Variants in CAMTA1 observed in about 807,000 individuals in gnomAD.
The protein encoded by CAMTA1 is calmodulin-binding transcription activator 1.
Under a neutral mutation model 170.9 loss-of-function variants are expected in CAMTA1, and 27 were observed. That is an observed-to-expected ratio of 0.16 (90% confidence interval 0.12 to 0.22). The LOEUF is 0.22. Ranked by LOEUF, CAMTA1 falls within the 10% of genes least tolerant of loss-of-function variation. The probability of loss-of-function intolerance (pLI) is 1.00; values close to 1 mark genes in which losing one functional copy is unlikely to be tolerated. For synonymous variants in CAMTA1, 833 were observed against 891.5 expected, an observed-to-expected ratio of 0.93 and a Z score of 1.17; for missense variants, 1,619 against 2,217.2, an observed-to-expected ratio of 0.73 and a Z score of 5.42.
rs1302135495 is a variant in CAMTA1, at chr1:7,104,346, CA to C, written c.302+12976del. On this transcript the variant is annotated intron_variant, in intron 4 of 22. Transcript: ENST00000303635. ...ACACACATATACATACATGTACACA[CA>C]TGCATAAATACTCAATACACATACA... Among the ~76,000 whole-genome samples, 3 of 147,442 alleles carry C rather than the reference CA, an allele frequency of 2.0e-5. No individual in the cohort carries two copies. In the East Asian group the frequency reaches 5.9e-4, roughly 29 times the overall value.
At chr1:6,821,553 T>C (rs560203597) in intron 2 of CAMTA1, among the ~76,000 whole-genome samples, 2 of 152,308 alleles carry the variant, frequency 1.3e-5, no homozygotes, top group South Asian at 4.1e-4. Context: ...TACACTGTTA[T>C]ACCAAACTGT....
intron 4 of CAMTA1, among the ~76,000 whole-genome samples, chr1:7,154,646 G>T (rs1187194797): frequency 6.6e-6 from 1 of 152,136 alleles, no homozygotes; most frequent in South Asian, 2.1e-4. Context: ...GAAGGGAAGG[G>T]GTGCTGATGG....
intron 4 of CAMTA1, among the ~76,000 whole-genome samples, chr1:7,114,161 G>A (rs373208474): frequency 3.1e-4 from 47 of 152,312 alleles, no homozygotes; most frequent in African/African-American, 1.0e-3. Flanking sequence ...AAGGCCCTGA[G>A]CTGCTGCCCT....
chr1:7,233,984 C>T (rs746919322), intron 4 of CAMTA1, among the ~76,000 whole-genome samples: 4 of 152,162 alleles, frequency 2.6e-5, no homozygotes, highest in African/African-American at 9.7e-5. Flanking sequence ...GAGTTGCACT[C>T]TCCAGGTTAA....
chr1:6,942,504 A>G lies in CAMTA1; in HGVS notation c.234+117294A>G, dbSNP rs184339721. Among the ~76,000 whole-genome samples the G allele has an allele frequency of 5.3e-5, 8 of 152,192 alleles. 1 individual carries two copies. The East Asian group carries it at 1.5e-3, about 29-fold the overall frequency. ...GAGACCCCTATTTCTACACAAAAAT[A>G]ATGATAAAAAATTAGCTGGATGTGG... On this transcript the variant is annotated intron_variant, in intron 3 of 22. Transcript: ENST00000303635.
intron 3 of CAMTA1, among the ~76,000 whole-genome samples, chr1:6,895,306 T>A (rs1486536528): frequency 6.6e-6 from 1 of 152,164 alleles, no homozygotes; most frequent in East Asian, 1.9e-4. Flanking sequence ...TTCTGCCCTT[T>A]TTTCCCCATC....
At chr1:7,205,188 A>G (rs932422735) in intron 4 of CAMTA1, among the ~76,000 whole-genome samples, 3 of 151,290 alleles carry the variant, frequency 2.0e-5, no homozygotes, top group Non-Finnish European at 4.4e-5. Context: ...GCTCACTGCA[A>G]CCTCTGCCTC....
intron 3 of CAMTA1, among the ~76,000 whole-genome samples, chr1:6,955,698 G>A (rs527878262): frequency 2.0e-5 from 3 of 152,306 alleles, no homozygotes; most frequent in East Asian, 3.9e-4. Flanking sequence ...TGCCTGGTAA[G>A]ATGTTCACGG....
At chr1:7,575,716 T>C (rs1366658743) in intron 6 of CAMTA1, among the ~76,000 whole-genome samples, 1 of 151,960 alleles carries the variant, frequency 6.6e-6, no homozygotes, top group East Asian at 1.9e-4. Flanking sequence ...TAGTAATGTC[T>C]GGCCCAGGTG....
chr1:7,226,023 C>T (rs572205518), intron 4 of CAMTA1, among the ~76,000 whole-genome samples: 242 of 152,258 alleles, frequency 1.6e-3, no homozygotes, highest in African/African-American at 5.6e-3. Flanking sequence ...TGTCCACAGC[C>T]CCTTGAGGCA....
At chr1:6,846,431 C>T (rs1156559724) in intron 3 of CAMTA1, among the ~76,000 whole-genome samples, 1 of 152,000 alleles carries the variant, frequency 6.6e-6, no homozygotes, top group African/African-American at 2.4e-5. Flanking sequence ...AGACAATTGC[C>T]CAAATAAAGA....
chr1:7,332,658 T>G (rs2083104182), intron 5 of CAMTA1, among the ~76,000 whole-genome samples: 1 of 152,220 alleles, frequency 6.6e-6, no homozygotes, highest in South Asian at 2.1e-4. Flanking sequence ...TATTGTTGTG[T>G]GGAGCTGTAT....
intron 5 of CAMTA1, among the ~76,000 whole-genome samples, chr1:7,446,019 C>G (rs1244587710): frequency 6.6e-6 from 1 of 152,170 alleles, no homozygotes; most frequent in Non-Finnish European, 1.5e-5. Context: ...ACCTGATAAA[C>G]AGGGGAGTTG....
At chr1:7,256,936 G>T (rs1303776406) in intron 5 of CAMTA1, among the ~76,000 whole-genome samples, 1 of 152,108 alleles carries the variant, frequency 6.6e-6, no homozygotes, top group Non-Finnish European at 1.5e-5. Flanking sequence ...TCTTCTCACT[G>T]CATCCTTACA....
At chr1:7,031,178 T>C (rs1249768260) in intron 3 of CAMTA1, among the ~76,000 whole-genome samples, 1 of 152,030 alleles carries the variant, frequency 6.6e-6, no homozygotes, top group Non-Finnish European at 1.5e-5. Flanking sequence ...TACGGAAATC[T>C]CTAATTACAG....
chr1:7,496,572 G>A (rs1417590965), intron 6 of CAMTA1, among the ~76,000 whole-genome samples: 1 of 152,212 alleles, frequency 6.6e-6, no homozygotes, highest in African/African-American at 2.4e-5. Flanking sequence ...CTCAGATGCA[G>A]CAATGTTCCC....
At chr1:6,870,581 A>G (rs1164460444) in intron 3 of CAMTA1, among the ~76,000 whole-genome samples, 7 of 152,218 alleles carry the variant, frequency 4.6e-5, no homozygotes, top group African/African-American at 1.4e-4. Flanking sequence ...GTGTTTTTGG[A>G]ATTTAGTTTT....
At chr1:7,315,652 C>T (rs1677376970) in intron 5 of CAMTA1, among the ~76,000 whole-genome samples, 1 of 152,194 alleles carries the variant, frequency 6.6e-6, no homozygotes, top group African/African-American at 2.4e-5. Flanking sequence ...CCAGAAACAA[C>T]AGAAATTATT....
intron 5 of CAMTA1, among the ~76,000 whole-genome samples, chr1:7,270,280 T>C (rs1300365894): frequency 4.1e-5 from 5 of 122,312 alleles, no homozygotes; most frequent in Middle Eastern, 4.0e-3. Flanking sequence ...CACACATATA[T>C]ATATATATAT....
Sources: allele counts gnomAD v4.1 joint callset (sites outside exome capture counted in the v4.1 genomes callset), GRCh38; gene constraint gnomAD v4.1.1; transcripts MANE v1.5; gene names NCBI Gene and HGNC (gene_info 2026-07-23, HGNC 2026-07-21).